The following ZNF81 variants were observed in gnomAD, a reference collection of about 807,000 sequenced individuals.
ZNF81 encodes zinc finger protein 81, also known as zinc finger protein 81 (HFZ20).
ZNF81 carries 5 observed loss-of-function variants against 32.3 expected under a neutral mutation model. The ratio of observed to expected loss-of-function variants is 0.15; its 90% CI spans 0.08 to 0.33. The LOEUF is 0.33. Ranked by LOEUF, ZNF81 falls within the 10% of genes least tolerant of loss-of-function variation. The pLI is 1.00. For synonymous variants in ZNF81, 163 were observed against 166.8 expected, an observed-to-expected ratio of 0.98 and a Z score of 0.17; for missense variants, 379 against 479.8, an observed-to-expected ratio of 0.79 and a Z score of 1.96.
intron 3 of ZNF81, among the ~76,000 whole-genome samples, chrX:47,890,888 C>T (rs934703326): frequency 3.6e-5 from 4 of 111,900 alleles, no homozygotes; most frequent in African/African-American, 1.3e-4. Flanking sequence ...CTAGAAATTT[C>T]CCTGAGGTGT....
At chrX:47,904,046 A>G (rs1755160996) in intron 4 of ZNF81, among the ~76,000 whole-genome samples, 1 of 111,321 alleles carries the variant, frequency 9.0e-6, no homozygotes, top group Non-Finnish European at 1.9e-5. Context: ...CTTACACCTT[A>G]TACAAAAATT....
chrX:47,924,091 C>G lies in ZNF81; in HGVS notation c.*7459C>G, dbSNP rs1388048594. Among the ~76,000 whole-genome samples the G allele has an allele frequency of 8.9e-6, 1 of 111,902 alleles. No homozygotes were observed. Among genetic ancestry groups the G allele is most frequent in the African/African-American group, 3.3e-5 (1 of 30,765 alleles). On this transcript the variant is annotated 3_prime_UTR_variant, in exon 5 of 5. Transcript: ENST00000338637. ...GAAAGCTCTGATTTATCCACCCATGCTAATGTCTCAAAAGGGCTGGTTTAG... is the reference window on the plus strand; with the variant it reads ...GAAAGCTCTGATTTATCCACCCATGGTAATGTCTCAAAAGGGCTGGTTTAG...
Position 47,915,714 on chromosome X carries a change from A to C in ZNF81, c.1068A>C (p.Lys356Asn). The change falls in exon 5 of 5, where the codon AAA (lysine) becomes AAC (asparagine). Residue 356 changes from lysine to asparagine, a missense_variant. Physicochemically the swap from Lys to Asn is moderately conservative, Grantham distance 94 (BLOSUM62 0). Transcript: ENST00000338637. ...IMHEKTHTRE[K>N]PYKCNECGKS... is the part of the protein sequence containing the mutation. ...ATGAGAAAACTCATACTAGAGAGAA[A>C]CCCTATAAATGCAATGAATGTGGGA... 1 of 1,210,345 alleles carries C rather than the reference A, an allele frequency of 8.3e-7. No homozygotes were observed. Among genetic ancestry groups the C allele is most frequent in the Non-Finnish European group, 1.1e-6 (1 of 895,055 alleles).
intron 2 of ZNF81, among the ~76,000 whole-genome samples, chrX:47,863,604 G>A (rs1335991963): frequency 1.8e-5 from 2 of 112,067 alleles, no homozygotes; most frequent in Non-Finnish European, 1.9e-5. Flanking sequence ...GTGAACCTTA[G>A]AGAGGCAAGT....
chrX:47,876,875 G>GTGAT lies in ZNF81; in HGVS notation c.55-11121_55-11118dup, dbSNP rs781921043. On this transcript the variant is annotated intron_variant, in intron 2 of 4. Coordinates refer to ENST00000338637, the MANE Select transcript of ZNF81 (RefSeq NM_007137.5). ...TGCCTTTCTGTCCTTAATTGAAGCTGTGATTGCTCTTTGTCCTCCAGGGAT... is the reference window on the plus strand; with the variant it reads ...TGCCTTTCTGTCCTTAATTGAAGCTGTGATTGATTGCTCTTTGTCCTCCAGGGAT... Among the ~76,000 whole-genome samples, 215 of 112,098 alleles carry GTGAT rather than the reference G, an allele frequency of 1.9e-3. 3 individuals carry two copies. Among genetic ancestry groups the GTGAT allele is most frequent in the Non-Finnish European group, 3.5e-3 (187 of 53,186 alleles).
intron 4 of ZNF81, among the ~76,000 whole-genome samples, chrX:47,904,698 C>T (rs1421714209): frequency 8.9e-6 from 1 of 111,803 alleles, no homozygotes; most frequent in Admixed American, 9.4e-5. Context: ...TTTGACCCAG[C>T]CATCCCATTA....
intron 3 of ZNF81, among the ~76,000 whole-genome samples, chrX:47,893,760 A>G (rs1310012227): frequency 4.8e-5 from 5 of 103,914 alleles, no homozygotes; most frequent in Non-Finnish European, 9.8e-5. Context: ...GTACCACTGC[A>G]CTCCAGCCTG....
chrX:47,857,524 A>G (rs1216798009), intron 2 of ZNF81, among the ~76,000 whole-genome samples: 1 of 111,943 alleles, frequency 8.9e-6, no homozygotes, highest in Non-Finnish European at 1.9e-5. Flanking sequence ...ATAGATTTGA[A>G]TGTCCATTTA....
intron 1 of ZNF81, among the ~76,000 whole-genome samples, chrX:47,838,892 T>C (rs1414663045): frequency 8.9e-6 from 1 of 111,941 alleles, no homozygotes; most frequent in African/African-American, 3.3e-5. Context: ...CCTCAAGTGA[T>C]TCTTCCACCT....
chrX:47,863,440 TGTGGCA>T lies in ZNF81; in HGVS notation c.54+17120_54+17125del, dbSNP rs781929941. Among the ~76,000 whole-genome samples, 556 of 112,065 alleles carry T rather than the reference TGTGGCA, an allele frequency of 5.0e-3. 3 individuals carry two copies. Among genetic ancestry groups the T allele is most frequent in the African/African-American group, 0.018 (540 of 30,847 alleles). ...AATCATTTGTCGAGACTGGCTGCAG[TGTGGCA>T]CTAAGACTCTGGGCAGGCTGTATCC... On this transcript the variant is annotated intron_variant, in intron 2 of 4. Coordinates refer to ENST00000338637, the MANE Select transcript of ZNF81 (RefSeq NM_007137.5).
chrX:47,886,960 A>G (rs1384696692), intron 2 of ZNF81, among the ~76,000 whole-genome samples: 1 of 112,039 alleles, frequency 8.9e-6, no homozygotes, highest in Admixed American at 9.5e-5. Context: ...AAAGCAATGC[A>G]GTCATACTGA....
chrX:47,842,535 C>T (rs1225963938), intron 1 of ZNF81: 2 of 111,802 alleles, frequency 1.8e-5, no homozygotes, highest in Non-Finnish European at 3.8e-5. Flanking sequence ...ACCTTTCTAC[C>T]TTTCAGAGTC....
At chrX:47,848,286 A>G (rs1483118034) in intron 2 of ZNF81, among the ~76,000 whole-genome samples, 1 of 111,838 alleles carries the variant, frequency 8.9e-6, no homozygotes, top group African/African-American at 3.2e-5. Context: ...ACTCACATGT[A>G]CATTTTCTCT....
intron 4 of ZNF81, among the ~76,000 whole-genome samples, chrX:47,896,372 C>T (rs2058679989): frequency 9.0e-6 from 1 of 111,533 alleles, no homozygotes; most frequent in Non-Finnish European, 1.9e-5. Context: ...TTCTTCCTAG[C>T]ACTCTTGCAC....
chrX:47,860,344 T>A (rs950979167), intron 2 of ZNF81, among the ~76,000 whole-genome samples: 8 of 108,531 alleles, frequency 7.4e-5, no homozygotes, highest in African/African-American at 2.7e-4. Context: ...CCCGGCTAAT[T>A]TTTCATATTT....
chrX:47,871,313 T>C (rs1556883884), intron 2 of ZNF81, among the ~76,000 whole-genome samples: 1 of 112,013 alleles, frequency 8.9e-6, no homozygotes, highest in African/African-American at 3.2e-5. Flanking sequence ...TTATTGTCAG[T>C]ATATAGATTC....
chrX:47,862,598 A>T (rs1322753032), intron 2 of ZNF81, among the ~76,000 whole-genome samples: 2 of 111,793 alleles, frequency 1.8e-5, no homozygotes, highest in Non-Finnish European at 3.8e-5. Flanking sequence ...TGTTGTTTAA[A>T]ACTGAGGGGG....
At chrX:47,903,419 GACAA>G (rs2058706437) in intron 4 of ZNF81, among the ~76,000 whole-genome samples, 2 of 97,201 alleles carry the variant, frequency 2.1e-5, no homozygotes, top group Non-Finnish European at 4.2e-5. Flanking sequence ...ACCAATAACA[GACAA>G]ACAGAGAGCC....
At chrX:47,862,653 G>A (rs912576076) in intron 2 of ZNF81, among the ~76,000 whole-genome samples, 1 of 112,059 alleles carries the variant, frequency 8.9e-6, no homozygotes, top group African/African-American at 3.2e-5. Flanking sequence ...CAGGGTGAGA[G>A]TACCTCCAAT....
Sources: allele counts gnomAD v4.1 joint callset (sites outside exome capture counted in the v4.1 genomes callset), GRCh38; gene constraint gnomAD v4.1.1; transcripts MANE v1.5; gene names NCBI Gene and HGNC (gene_info 2026-07-23, HGNC 2026-07-21).